Variants in FNIP2 observed in about 807,000 individuals in gnomAD.
FNIP2 encodes folliculin interacting protein 2.
A neutral mutation model predicts 108.7 loss-of-function variants in FNIP2; 32 were observed. The observed-to-expected ratio is 0.29, with a 90% CI of 0.22 to 0.40. The LOEUF (loss-of-function observed/expected upper bound fraction) is 0.40, where lower values mean the gene tolerates loss of function less well. Ranked by LOEUF, FNIP2 falls within the 10% of genes least tolerant of loss-of-function variation. The pLI, the probability that FNIP2 is intolerant of heterozygous loss-of-function variation, is 1.00. For missense variants in FNIP2, 1,202 were observed against 1,381.6 expected (o/e 0.87, Z 2.06); for synonymous variants, 480 against 496.7 (o/e 0.97, Z 0.45).
At position 158,906,089 on chromosome 4, in the gene FNIP2, A is replaced by C. The variant is rs1729821054; in HGVS notation, c.*1545A>C. On this transcript the variant is annotated 3_prime_UTR_variant, in exon 17 of 17. Transcript: ENST00000264433. Reference sequence around the variant, plus strand: ...CATTAAGTTTTGTAAGATCTTTATCATTTTATGTCATTCATTGAAAATTGA... The same window carrying C: ...CATTAAGTTTTGTAAGATCTTTATCCTTTTATGTCATTCATTGAAAATTGA... 1 of 152,166 alleles carries C rather than the reference A, an allele frequency of 6.6e-6. No individual in the cohort carries two copies. The allele number at this position is 152,166 out of a possible 1,614,324, so 9.4% of individuals were successfully genotyped here.
At chr4:158,802,072 T>C (rs1156407133) in intron 1 of FNIP2, among the ~76,000 whole-genome samples, 2 of 152,224 alleles carry the variant, frequency 1.3e-5, no homozygotes, top group Non-Finnish European at 2.9e-5. Flanking sequence ...AATTATAATA[T>C]ACAAAACACT....
chr4:158,784,133 C>T (rs916982291), intron 1 of FNIP2, among the ~76,000 whole-genome samples: 1 of 152,190 alleles, frequency 6.6e-6, no homozygotes, highest in East Asian at 1.9e-4. Context: ...GTTGAACACT[C>T]TAAGTTGTGA....
intron 1 of FNIP2, among the ~76,000 whole-genome samples, chr4:158,780,220 A>AG (rs1488576321): frequency 6.6e-6 from 1 of 151,818 alleles, no homozygotes; most frequent in Admixed American, 6.6e-5. Context: ...AAAAAAAAAA[A>AG]GGAAAACTAT....
intron 1 of FNIP2, among the ~76,000 whole-genome samples, chr4:158,801,477 C>T (rs557011951): frequency 1.3e-5 from 2 of 152,304 alleles, no homozygotes; most frequent in African/African-American, 4.8e-5. Context: ...CAGGCGCAGA[C>T]GTGGTATGAG....
At chr4:158,898,801 C>G (rs1034005327) in intron 16 of FNIP2, among the ~76,000 whole-genome samples, 1 of 152,222 alleles carries the variant, frequency 6.6e-6, no homozygotes, top group Non-Finnish European at 1.5e-5. Context: ...TTGACTTCCT[C>G]TCTTCCTATT....
chr4:158,900,594 C>T (rs1233024443), intron 16 of FNIP2, among the ~76,000 whole-genome samples: 3 of 152,036 alleles, frequency 2.0e-5, no homozygotes, highest in Non-Finnish European at 4.4e-5. Context: ...TATGTAATGC[C>T]CTTCTTTGTC....
chr4:158,799,507 T>C (rs1776693840), intron 1 of FNIP2, among the ~76,000 whole-genome samples: 2 of 152,290 alleles, frequency 1.3e-5, no homozygotes, highest in Middle Eastern at 3.4e-3. Context: ...CCTTCTACCT[T>C]ACTTGATAAC....
Position 158,858,017 on chromosome 4 carries a change from T to C in FNIP2, c.858-1040T>C, listed in dbSNP as rs1399150719. Among the ~76,000 whole-genome samples, 5 of 152,296 alleles carry C rather than the reference T, an allele frequency of 3.3e-5. No individual in the cohort carries two copies. The East Asian group carries it at 9.6e-4, about 29-fold the overall frequency. On this transcript the variant is annotated intron_variant, in intron 8 of 16. Transcript: ENST00000264433. Reference sequence around the variant, plus strand: ...CTTTTGGCATATGTATGTTTAATAATAAAATCTAGGTTTATTTGAAATCAT... The same window carrying C: ...CTTTTGGCATATGTATGTTTAATAACAAAATCTAGGTTTATTTGAAATCAT...
intron 1 of FNIP2, chr4:158,806,189 G>C: frequency 7.9e-7 from 1 of 1,264,206 alleles, no homozygotes; most frequent in Non-Finnish European, 1.0e-6. Flanking sequence ...TTCAGGATTT[G>C]TCTCCAAGTC....
chr4:158,867,598 T>A (rs1780655848), intron 12 of FNIP2, among the ~76,000 whole-genome samples: 1 of 152,254 alleles, frequency 6.6e-6, no homozygotes, highest in South Asian at 2.1e-4. Flanking sequence ...TGTATGCGTA[T>A]TAAGATAATT....
intron 14 of FNIP2, among the ~76,000 whole-genome samples, chr4:158,880,467 GC>G (rs1299859586): frequency 2.6e-5 from 4 of 152,164 alleles, no homozygotes; most frequent in Non-Finnish European, 5.9e-5. Flanking sequence ...GGGAGGGATA[GC>G]ATTAGGAGAT....
chr4:158,823,464 C>T (rs1777996307), intron 1 of FNIP2, among the ~76,000 whole-genome samples: 1 of 152,132 alleles, frequency 6.6e-6, no homozygotes, highest in Non-Finnish European at 1.5e-5. Context: ...TGGGGTTTCA[C>T]CGTGTTGGCC....
At chr4:158,833,978 C>G (rs1283788590) in intron 6 of FNIP2, 7 of 859,890 alleles carry the variant, frequency 8.1e-6, no homozygotes, top group East Asian at 5.9e-5. Context: ...TTGTGCCTCT[C>G]TAGAAATCCA....
chr4:158,833,951 C>T (rs1050122409), intron 6 of FNIP2: 1 of 1,128,136 alleles, frequency 8.9e-7, no homozygotes, highest in African/African-American at 1.6e-5. Flanking sequence ...TGTGCAGGTT[C>T]TTAGGAAAAA....
chr4:158,859,760 C>T, intron 10 of FNIP2, 94 bp downstream of exon 10: 2 of 1,040,210 alleles, frequency 1.9e-6, no homozygotes, highest in Admixed American at 4.2e-5. Context: ...GGGGGCCTGG[C>T]AGTTATTCCT....
Position 158,906,362 on chromosome 4 carries a change from A to G in FNIP2, c.*1818A>G, listed in dbSNP as rs2306206. 1 of 152,172 alleles carries G rather than the reference A, an allele frequency of 6.6e-6. No individual in the cohort carries two copies. The highest frequency in any genetic ancestry group is 1.5e-5 in the Non-Finnish European group (1 of 68,032). 9.4% of individuals were successfully genotyped at this position (152,172 alleles called of 1,614,324 possible). A position where few individuals can be genotyped will look rare whatever the true frequency, so the allele number is the denominator to read the frequency against. On this transcript the variant is annotated 3_prime_UTR_variant, in exon 17 of 17. Transcript: ENST00000264433. The stretch of plus-strand genomic sequence containing the variant: ...CTCTAGTTCCTTTTTTCTTGTTTAC[A>G]TGTTTTGGGCACTTTCCCTCATTCA...
At chr4:158,871,958 C>G (rs1780977594) in intron 14 of FNIP2, 2 of 984,640 alleles carry the variant, frequency 2.0e-6, no homozygotes, top group African/African-American at 3.5e-5. Flanking sequence ...GGCACCTTTT[C>G]TGTCCGCTCC....
At chr4:158,878,191 G>T (rs187443919) in intron 14 of FNIP2, among the ~76,000 whole-genome samples, 5 of 152,310 alleles carry the variant, frequency 3.3e-5, no homozygotes, top group Admixed American at 3.3e-4. Flanking sequence ...GGTCCTCCAG[G>T]ATTTCAGTCT....
At chr4:158,774,569 T>C (rs1181490057) in intron 1 of FNIP2, among the ~76,000 whole-genome samples, 1 of 152,244 alleles carries the variant, frequency 6.6e-6, no homozygotes, top group Non-Finnish European at 1.5e-5. Context: ...ATGTTTGTTA[T>C]GAGGTTTAAT....
Sources: gnomAD v4.1 joint callset for allele counts (sites outside exome capture counted in the v4.1 genomes callset) on GRCh38, gnomAD v4.1.1 for gene constraint, MANE v1.5 for transcripts, NCBI Gene and HGNC (gene_info 2026-07-23, HGNC 2026-07-21) for gene names.